Variants in GXYLT2 observed in about 807,000 individuals in gnomAD.
The protein encoded by GXYLT2 is glycosyltransferase 8 domain containing 4.
A neutral mutation model predicts 45.8 loss-of-function variants in GXYLT2; 53 were observed. The ratio of observed to expected loss-of-function variants is 1.16; its 90% CI spans 0.93 to 1.46. The LOEUF (loss-of-function observed/expected upper bound fraction) is 1.46, where lower values mean the gene tolerates loss of function less well. Ranked by LOEUF, GXYLT2 falls within the 40% of genes most tolerant of loss-of-function variation. GXYLT2 has a pLI of 0.00. For synonymous variants in GXYLT2, 219 were observed against 214.2 expected, an observed-to-expected ratio of 1.02 and a Z score of -0.19; for missense variants, 551 against 544.4, an observed-to-expected ratio of 1.01 and a Z score of -0.12.
At position 72,975,962 on chromosome 3, in the gene GXYLT2, C is replaced by T. The variant is rs1449207211; in HGVS notation, c.*803C>T. On this transcript the variant is annotated 3_prime_UTR_variant, in exon 7 of 7. Coordinates refer to ENST00000389617, the MANE Select transcript of GXYLT2 (RefSeq NM_001080393.2). Reference sequence around the variant, plus strand: ...TTTTTTTTTTTTTGAGACGGAATCTCACTCTGTAGCCCAGGCTAGAATGCA... The same window carrying T: ...TTTTTTTTTTTTTGAGACGGAATCTTACTCTGTAGCCCAGGCTAGAATGCA... The T allele has an allele frequency of 1.5e-5, 2 of 131,404 alleles. No homozygotes were observed. Among genetic ancestry groups the T allele is most frequent in the Non-Finnish European group, 1.5e-5 (1 of 65,026 alleles). 8.1% of individuals were successfully genotyped at this position (131,404 alleles called of 1,614,324 possible). A position where few individuals can be genotyped will look rare whatever the true frequency, so the allele number is the denominator to read the frequency against.
intron 3 of GXYLT2, among the ~76,000 whole-genome samples, chr3:72,931,281 G>T (rs915790305): frequency 1.8e-4 from 27 of 151,324 alleles, no homozygotes; most frequent in African/African-American, 6.6e-4. Context: ...AGGCTGGAGT[G>T]CAGTGGCTCC....
At chr3:72,926,264 A>G (rs1363994672) in intron 3 of GXYLT2, among the ~76,000 whole-genome samples, 1 of 152,218 alleles carries the variant, frequency 6.6e-6, no homozygotes, top group Non-Finnish European at 1.5e-5. Context: ...ACTCAAGCCA[A>G]TTAGATTCTC....
intron 3 of GXYLT2, among the ~76,000 whole-genome samples, chr3:72,946,944 C>T (rs1212247501): frequency 2.6e-5 from 4 of 152,086 alleles, no homozygotes; most frequent in African/African-American, 9.7e-5. Context: ...CCACTTCAGC[C>T]TCCGAAGTAG....
intron 1 of GXYLT2, among the ~76,000 whole-genome samples, chr3:72,897,911 T>G (rs1709323879): frequency 6.6e-6 from 1 of 152,144 alleles, no homozygotes; most frequent in Admixed American, 6.5e-5. Context: ...TCTAGTTTTT[T>G]GTAATTGTTC....
intron 1 of GXYLT2, among the ~76,000 whole-genome samples, chr3:72,889,403 GA>G (rs1709135068): frequency 6.6e-6 from 1 of 152,114 alleles, no homozygotes. Flanking sequence ...GAAAGGAGTT[GA>G]AAAATTATTT....
intron 1 of GXYLT2, among the ~76,000 whole-genome samples, chr3:72,896,546 C>T (rs1463333644): frequency 6.6e-6 from 1 of 151,626 alleles, no homozygotes; most frequent in East Asian, 1.9e-4. Context: ...TCCTGGTACT[C>T]ATTAAAAGCT....
chr3:72,966,957 A>G (rs1299894541), intron 5 of GXYLT2, among the ~76,000 whole-genome samples: 1 of 151,302 alleles, frequency 6.6e-6, no homozygotes, highest in Admixed American at 6.6e-5. Context: ...GTATGGAGAC[A>G]GGGGTCTTGC....
At chr3:72,956,908 A>AAAACAC (rs1050584531) in intron 4 of GXYLT2, among the ~76,000 whole-genome samples, 3 of 147,692 alleles carry the variant, frequency 2.0e-5, no homozygotes, top group South Asian at 4.6e-4. Flanking sequence ...AACAAAAACA[A>AAAACAC]AAACACAGGA....
intron 3 of GXYLT2, among the ~76,000 whole-genome samples, chr3:72,929,849 A>G (rs1709994321): frequency 6.6e-6 from 1 of 152,226 alleles, no homozygotes; most frequent in Non-Finnish European, 1.5e-5. Context: ...TTGAATGTGA[A>G]TGGATTCGAC....
intron 2 of GXYLT2, among the ~76,000 whole-genome samples, chr3:72,915,354 T>TGGG (rs1559732646): frequency 3.9e-4 from 13 of 33,478 alleles, no homozygotes; most frequent in East Asian, 1.1e-3. Flanking sequence ...TTTTTTTTTT[T>TGGG]GCGGGGGGGG....
intron 5 of GXYLT2, among the ~76,000 whole-genome samples, chr3:72,962,817 G>A (rs181364329): frequency 6.6e-6 from 1 of 152,238 alleles, no homozygotes; most frequent in African/African-American, 2.4e-5. Flanking sequence ...CCTCAAGGCT[G>A]GAGAGAGAAG....
At chr3:72,917,663 G>A (rs1187153665) in intron 2 of GXYLT2, among the ~76,000 whole-genome samples, 1 of 151,582 alleles carries the variant, frequency 6.6e-6, no homozygotes, top group Non-Finnish European at 1.5e-5. Flanking sequence ...AGGCTGAGGT[G>A]GGAGGATCAC....
intron 5 of GXYLT2, 84 bp from the exon 6 acceptor site, chr3:72,967,463 A>T: frequency 1.0e-6 from 1 of 988,564 alleles, no homozygotes; most frequent in African/African-American, 1.6e-5. Flanking sequence ...GTGTACAGTT[A>T]GTGGAAACAG....
chr3:72,928,854 C>T (rs1709967860), intron 3 of GXYLT2, among the ~76,000 whole-genome samples: 1 of 152,212 alleles, frequency 6.6e-6, no homozygotes, highest in Non-Finnish European at 1.5e-5. Flanking sequence ...CCAGACGTTC[C>T]TCGCCGGGAG....
At chr3:72,939,354 G>T (rs1159434806) in intron 3 of GXYLT2, among the ~76,000 whole-genome samples, 2 of 151,994 alleles carry the variant, frequency 1.3e-5, no homozygotes, top group East Asian at 3.9e-4. Context: ...AGAATTATTT[G>T]AACCCAGGAG....
Position 72,917,032 on chromosome 3 carries a change from G to T in GXYLT2, c.469-5172G>T, listed in dbSNP as rs544285742. Reference sequence around the variant, plus strand: ...TACTGAGGTAAAGGATGAGGTGGGCGGTTAGATTGACAAAGGTAGTTAAAC... The same window carrying T: ...TACTGAGGTAAAGGATGAGGTGGGCTGTTAGATTGACAAAGGTAGTTAAAC... On this transcript the variant is annotated intron_variant, in intron 2 of 6. Coordinates refer to ENST00000389617, the MANE Select transcript of GXYLT2 (RefSeq NM_001080393.2). Among the ~76,000 whole-genome samples, 8 of 152,182 alleles carry T rather than the reference G, an allele frequency of 5.3e-5. No individual in the cohort carries two copies. In the East Asian group the frequency reaches 7.7e-4, roughly 15 times the overall value.
chr3:72,899,282 C>T (rs1709355729), intron 1 of GXYLT2, among the ~76,000 whole-genome samples: 1 of 152,146 alleles, frequency 6.6e-6, no homozygotes, highest in Admixed American at 6.6e-5. Context: ...AGAATACAGC[C>T]TCATTTCAGA....
At chr3:72,919,569 A>T (rs144203121) in intron 2 of GXYLT2, among the ~76,000 whole-genome samples, 35 of 152,368 alleles carry the variant, frequency 2.3e-4, no homozygotes, top group African/African-American at 7.7e-4. Context: ...AGCCTGACCA[A>T]CATGGTGAAA....
chr3:72,901,946 T>C (rs1277889920), intron 1 of GXYLT2, among the ~76,000 whole-genome samples: 2 of 152,172 alleles, frequency 1.3e-5, no homozygotes, highest in Non-Finnish European at 2.9e-5. Flanking sequence ...GCTTTTTACA[T>C]TGTCATTATG....
Sources: gnomAD v4.1 joint callset for allele counts (sites outside exome capture counted in the v4.1 genomes callset) on GRCh38, gnomAD v4.1.1 for gene constraint, MANE v1.5 for transcripts, NCBI Gene and HGNC (gene_info 2026-07-23, HGNC 2026-07-21) for gene names.